The following CNTN4 variants were observed in gnomAD, a reference collection of about 807,000 sequenced individuals.
CNTN4 encodes the protein contactin-4.
CNTN4 carries 77 observed loss-of-function variants against 122.5 expected under a neutral mutation model. That is an observed-to-expected ratio of 0.63 (90% CI 0.52 to 0.76). The LOEUF (loss-of-function observed/expected upper bound fraction) is 0.76. Among genes scored for constraint, CNTN4 ranks in the 30% least tolerant of loss-of-function variants. The pLI, the probability that CNTN4 is intolerant of heterozygous loss-of-function variation, is 0.00. For missense variants in CNTN4, 1,256 were observed against 1,259.1 expected, an observed-to-expected ratio of 1.00 and a Z score of 0.04; for synonymous variants, 512 against 447.0, an observed-to-expected ratio of 1.15 and a Z score of -1.83.
At chr3:2,514,717 T>C (rs1240195573) in intron 3 of CNTN4, among the ~76,000 whole-genome samples, 4 of 152,266 alleles carry the variant, frequency 2.6e-5, no homozygotes, top group South Asian at 4.1e-4. Flanking sequence ...ATTTCTGTGA[T>C]CCTTCCGAGG....
At chr3:2,113,800 A>G (rs914442307) in intron 2 of CNTN4, among the ~76,000 whole-genome samples, 30 of 152,226 alleles carry the variant, frequency 2.0e-4, no homozygotes, top group African/African-American at 5.5e-4. Context: ...TTGTGAAAAC[A>G]TGTTGTCATC....
intron 2 of CNTN4, among the ~76,000 whole-genome samples, chr3:2,268,095 G>A (rs530018109): frequency 6.6e-6 from 1 of 152,188 alleles, no homozygotes; most frequent in African/African-American, 2.4e-5. Flanking sequence ...CATATGTTAA[G>A]CATTTACTAT....
chr3:2,931,158 T>G (rs1577314899), intron 13 of CNTN4, among the ~76,000 whole-genome samples: 1 of 152,140 alleles, frequency 6.6e-6, no homozygotes, highest in Non-Finnish European at 1.5e-5. Context: ...CAATTCCAGG[T>G]AGCAGTCTAG....
chr3:2,161,717 G>A (rs1023844913), intron 2 of CNTN4, among the ~76,000 whole-genome samples: 3 of 152,160 alleles, frequency 2.0e-5, no homozygotes, highest in African/African-American at 7.2e-5. Context: ...GAGGACAGAA[G>A]ACATACTTTA....
chr3:2,673,297 C>T (rs1012365947), intron 4 of CNTN4, among the ~76,000 whole-genome samples: 3 of 152,122 alleles, frequency 2.0e-5, no homozygotes, highest in Admixed American at 1.3e-4. Flanking sequence ...ATGCTATCAC[C>T]TTACATCTGG....
At chr3:2,120,405 A>ATATATATATATATATATATATATATTTTT (rs1428527983) in intron 2 of CNTN4, among the ~76,000 whole-genome samples, 1 of 40,876 alleles carries the variant, frequency 2.4e-5, no homozygotes, top group Non-Finnish European at 4.3e-5. Flanking sequence ...ATATATATAT[A>ATATATATATATATATATATATATATTTTT]TTTTTTTTTT....
intron 4 of CNTN4, among the ~76,000 whole-genome samples, chr3:2,669,185 C>A (rs2084349979): frequency 6.6e-6 from 1 of 152,144 alleles, no homozygotes; most frequent in Non-Finnish European, 1.5e-5. Context: ...CCTCCTTGTA[C>A]CTCTGGTAGA....
intron 3 of CNTN4, among the ~76,000 whole-genome samples, chr3:2,568,119 C>T (rs958049055): frequency 6.6e-6 from 1 of 152,020 alleles, no homozygotes; most frequent in South Asian, 2.1e-4. Flanking sequence ...ATACCAGCAA[C>T]ATTTTAATTC....
Position 2,438,565 on chromosome 3 carries a change from CTTAT to C in CNTN4, c.-89+99335_-89+99338del, listed in dbSNP as rs767099353. Reference sequence around the variant, plus strand: ...AAAACCTGTTTTGTTTATTCATTTACTTATTTGTTTGTTTACTTTGTAGCAGGCC... The same window carrying C: ...AAAACCTGTTTTGTTTATTCATTTACTTGTTTGTTTACTTTGTAGCAGGCC... On this transcript the variant is annotated intron_variant, in intron 3 of 24. Coordinates refer to ENST00000418658, the MANE Select transcript of CNTN4 (RefSeq NM_175607.3). 9.8e-5 allele frequency among the ~76,000 whole-genome samples: 15 copies of C among 152,302 alleles called. 1 individual carries two copies. The highest frequency in any genetic ancestry group is 2.6e-4 in the African/African-American group (11 of 41,568).
At chr3:2,452,058 C>G (rs1031589446) in intron 3 of CNTN4, among the ~76,000 whole-genome samples, 3 of 152,064 alleles carry the variant, frequency 2.0e-5, no homozygotes, top group Non-Finnish European at 4.4e-5. Context: ...AGGTACATGC[C>G]TAGGTGACAT....
intron 3 of CNTN4, among the ~76,000 whole-genome samples, chr3:2,568,165 GC>G (rs2079258180): frequency 6.6e-6 from 1 of 151,962 alleles, no homozygotes; most frequent in South Asian, 2.1e-4. Context: ...ACATGACCAG[GC>G]CCTGCATGTA....
intron 2 of CNTN4, among the ~76,000 whole-genome samples, chr3:2,313,573 A>T (rs144707325): frequency 6.6e-6 from 1 of 152,044 alleles, no homozygotes; most frequent in African/African-American, 2.4e-5. Context: ...ACAGAATCTG[A>T]CGCTCAGAAT....
intron 8 of CNTN4, among the ~76,000 whole-genome samples, chr3:2,878,261 A>G (rs569081576): frequency 6.6e-6 from 1 of 152,340 alleles, no homozygotes; most frequent in Admixed American, 6.5e-5. Flanking sequence ...ACATATACAG[A>G]TCATTTTAGT....
intron 4 of CNTN4, among the ~76,000 whole-genome samples, chr3:2,671,959 T>C (rs892652840): frequency 6.6e-6 from 1 of 151,938 alleles, no homozygotes; most frequent in Non-Finnish European, 1.5e-5. Flanking sequence ...TGTTGCTGCC[T>C]GATCCTTCCT....
chr3:2,432,737 G>T (rs1032535163), intron 3 of CNTN4, among the ~76,000 whole-genome samples: 5 of 150,800 alleles, frequency 3.3e-5, no homozygotes, highest in African/African-American at 1.2e-4. Flanking sequence ...CACCAAGATT[G>T]CTTTCATATT....
intron 6 of CNTN4, among the ~76,000 whole-genome samples, chr3:2,774,354 G>C (rs2091228810): frequency 6.6e-6 from 1 of 151,990 alleles, no homozygotes; most frequent in African/African-American, 2.4e-5. Context: ...CTTGCCTTCT[G>C]ATCAACCTAC....
At chr3:3,005,849 A>G (rs562183116) in intron 14 of CNTN4, among the ~76,000 whole-genome samples, 1 of 151,198 alleles carries the variant, frequency 6.6e-6, no homozygotes, top group African/African-American at 2.4e-5. Context: ...GGAAACAAAC[A>G]TTAGTCAATT....
chr3:2,806,148 G>T (rs1332453480), intron 6 of CNTN4, among the ~76,000 whole-genome samples: 1 of 151,966 alleles, frequency 6.6e-6, no homozygotes, highest in Non-Finnish European at 1.5e-5. Flanking sequence ...GGATCCGCCT[G>T]CCTCGGCCTC....
chr3:2,949,322 C>A (rs529457844), intron 13 of CNTN4, among the ~76,000 whole-genome samples: 1 of 152,146 alleles, frequency 6.6e-6, no homozygotes, highest in Non-Finnish European at 1.5e-5. Flanking sequence ...AGCTGAATTC[C>A]TACTGGATTC....
Sources: gnomAD v4.1 joint callset for allele counts (sites outside exome capture counted in the v4.1 genomes callset) on GRCh38, gnomAD v4.1.1 for gene constraint, MANE v1.5 for transcripts, NCBI Gene and HGNC (gene_info 2026-07-23, HGNC 2026-07-21) for gene names.